Variants in COMMD1 observed in about 807,000 individuals in gnomAD.
The protein encoded by COMMD1 is COMM domain-containing protein 1.
A neutral mutation model predicts 17.2 loss-of-function variants in COMMD1; 10 were observed. That is an observed-to-expected ratio of 0.58 (90% CI 0.36 to 0.99). COMMD1 has a LOEUF of 0.99. Ranked by LOEUF, COMMD1 falls within the 50% of genes least tolerant of loss-of-function variation. The probability of loss-of-function intolerance (pLI) is 0.01; values close to 1 mark genes in which losing one functional copy is unlikely to be tolerated. For synonymous variants in COMMD1, 97 were observed against 91.6 expected, an observed-to-expected ratio of 1.06 and a Z score of -0.34; for missense variants, 270 against 231.8, an observed-to-expected ratio of 1.17 and a Z score of -1.07.
At chr2:62,103,676 C>A (rs1672247217) in intron 2 of COMMD1, among the ~76,000 whole-genome samples, 1 of 152,126 alleles carries the variant, frequency 6.6e-6, no homozygotes, top group Non-Finnish European at 1.5e-5. Context: ...CTTTATACTA[C>A]CCCTAAAAAA....
At chr2:61,959,512 A>G (rs1016060006) in intron 1 of COMMD1, among the ~76,000 whole-genome samples, 2 of 152,234 alleles carry the variant, frequency 1.3e-5, no homozygotes, top group Non-Finnish European at 2.9e-5. Flanking sequence ...TTTAATTTTT[A>G]TAAGACTACT....
intron 1 of COMMD1, among the ~76,000 whole-genome samples, chr2:61,924,409 G>C (rs373679913): frequency 1.3e-5 from 2 of 148,836 alleles, no homozygotes; most frequent in Admixed American, 1.3e-4. Flanking sequence ...GGAAGAGAGA[G>C]GTAGAGTGGA....
intron 2 of COMMD1, among the ~76,000 whole-genome samples, chr2:62,056,832 G>C (rs1268681156): frequency 6.6e-6 from 1 of 152,182 alleles, no homozygotes; most frequent in Non-Finnish European, 1.5e-5. Context: ...AGGATTAACT[G>C]CTTGACATCA....
chr2:62,135,015 C>G (rs1255725036), intron 2 of COMMD1, among the ~76,000 whole-genome samples: 1 of 152,190 alleles, frequency 6.6e-6, no homozygotes, highest in East Asian at 1.9e-4. Context: ...GCTCACTTCC[C>G]AGACTAACTC....
chr2:62,005,843 G>A (rs1356775933), intron 2 of COMMD1, among the ~76,000 whole-genome samples: 1 of 151,276 alleles, frequency 6.6e-6, no homozygotes, highest in Non-Finnish European at 1.5e-5. Flanking sequence ...TCCCATTACT[G>A]GGTATATACC....
intron 2 of COMMD1, among the ~76,000 whole-genome samples, chr2:62,049,991 A>G (rs1670494177): frequency 1.3e-5 from 2 of 152,240 alleles, no homozygotes; most frequent in Admixed American, 6.5e-5. Flanking sequence ...ATCAGTTTGG[A>G]CTGACATACA....
chr2:62,061,426 C>T (rs1298788525), intron 2 of COMMD1, among the ~76,000 whole-genome samples: 2 of 152,262 alleles, frequency 1.3e-5, no homozygotes, highest in Admixed American at 6.5e-5. Flanking sequence ...CTTCTGTTCA[C>T]ATATTTTAGC....
intron 1 of COMMD1, among the ~76,000 whole-genome samples, chr2:61,916,533 T>C (rs1670055016): frequency 6.6e-6 from 1 of 152,156 alleles, no homozygotes. Context: ...GCGATCTTCC[T>C]ACTTCAGCCC....
At chr2:62,103,136 G>A (rs888797618) in intron 2 of COMMD1, among the ~76,000 whole-genome samples, 4 of 151,986 alleles carry the variant, frequency 2.6e-5, no homozygotes, top group African/African-American at 4.8e-5. Context: ...CTGCAACCAC[G>A]CCTGGCTAAT....
chr2:61,952,321 CAT>C (rs1283655387), intron 1 of COMMD1, among the ~76,000 whole-genome samples: 1 of 152,160 alleles, frequency 6.6e-6, no homozygotes, highest in East Asian at 1.9e-4. Flanking sequence ...AAAATATAGG[CAT>C]AGTTTTTATA....
At chr2:61,953,761 T>C (rs1215953264) in intron 1 of COMMD1, among the ~76,000 whole-genome samples, 1 of 152,236 alleles carries the variant, frequency 6.6e-6, no homozygotes, top group Non-Finnish European at 1.5e-5. Context: ...ATACATACTC[T>C]CTATACATAC....
Position 62,128,347 on chromosome 2 carries a change from A to C in COMMD1, c.463-7484A>C, listed in dbSNP as rs1301851797. Among the ~76,000 whole-genome samples the C allele has an allele frequency of 3.3e-5, 5 of 151,608 alleles. No individual in the cohort carries two copies. In the East Asian group the frequency reaches 7.8e-4, roughly 24 times the overall value. ...TGTCTAAAAAAAAGAAAAAAAAAAA[A>C]CAAAAAAACTCAAGATGAATTAAAG... On this transcript the variant is annotated intron_variant, in intron 2 of 2. Coordinates refer to ENST00000311832, the MANE Select transcript of COMMD1 (RefSeq NM_152516.4).
chr2:62,007,934 C>T (rs1257967628), intron 2 of COMMD1, among the ~76,000 whole-genome samples: 2 of 152,150 alleles, frequency 1.3e-5, no homozygotes, highest in Non-Finnish European at 2.9e-5. Flanking sequence ...GTAATACCAG[C>T]ACTTTGAGAG....
chr2:61,903,082 T>C (rs1290523991), upstream of COMMD1, among the ~76,000 whole-genome samples: 1 of 152,152 alleles, frequency 6.6e-6, no homozygotes, highest in African/African-American at 2.4e-5. Context: ...CTTGGAGCCA[T>C]GGAAGCAACT....
chr2:62,049,069 A>G (rs149245878), intron 2 of COMMD1, among the ~76,000 whole-genome samples: 18 of 152,306 alleles, frequency 1.2e-4, no homozygotes, highest in African/African-American at 4.1e-4. Context: ...ATCACATTAC[A>G]TGCAATAGAA....
At chr2:61,992,796 C>G (rs1166688960) in intron 1 of COMMD1, among the ~76,000 whole-genome samples, 11 of 152,154 alleles carry the variant, frequency 7.2e-5, no homozygotes, top group Admixed American at 7.2e-4. Flanking sequence ...TATCAGTTTT[C>G]AAATTTTTAT....
intron 2 of COMMD1, among the ~76,000 whole-genome samples, chr2:62,131,197 A>G (rs547848243): frequency 4.6e-5 from 7 of 152,328 alleles, no homozygotes; most frequent in African/African-American, 7.2e-5. Context: ...TGGAATGGCT[A>G]TTTAAACCGT....
At chr2:61,998,746 C>T (rs537718799) in intron 1 of COMMD1, among the ~76,000 whole-genome samples, 118 of 152,260 alleles carry the variant, frequency 7.7e-4, no homozygotes, top group Admixed American at 2.7e-3. Context: ...ATATGTGTGA[C>T]TTTTTCACTT....
intron 2 of COMMD1, among the ~76,000 whole-genome samples, chr2:62,129,807 A>G (rs17515114): frequency 5.3e-5 from 8 of 152,070 alleles, no homozygotes; most frequent in African/African-American, 1.9e-4. Flanking sequence ...TTGTGGGTCA[A>G]AGGGTTATTT....
Sources: allele counts gnomAD v4.1 joint callset (sites outside exome capture counted in the v4.1 genomes callset), GRCh38; gene constraint gnomAD v4.1.1; transcripts MANE v1.5; gene names NCBI Gene and HGNC (gene_info 2026-07-23, HGNC 2026-07-21).